USP54: variants seen among roughly 807,000 people sequenced by gnomAD.
USP54 encodes ubiquitin carboxyl-terminal hydrolase 54.
A neutral mutation model predicts 170.5 loss-of-function variants in USP54; 87 were observed. That is an observed-to-expected ratio of 0.51 (90% CI 0.43 to 0.61). The LOEUF (loss-of-function observed/expected upper bound fraction) is 0.61. Among genes scored for constraint, USP54 ranks in the 20% least tolerant of loss-of-function variants. The pLI, the probability that USP54 is intolerant of heterozygous loss-of-function variation, is 0.00. For synonymous variants in USP54, 655 were observed against 742.8 expected (o/e 0.88, Z 1.92); for missense variants, 1,786 against 2,047.8 (o/e 0.87, Z 2.47).
At position 73,539,455 on chromosome 10, in the gene USP54, G is replaced by A. The variant is rs2066091631; in HGVS notation, c.964C>T (p.His322Tyr). The A allele has an allele frequency of 6.2e-7, 1 of 1,609,798 alleles. No individual in the cohort carries two copies. Among genetic ancestry groups the A allele is most frequent in the Non-Finnish European group, 8.5e-7 (1 of 1,177,596 alleles). The change falls in exon 10 of 24, where the codon CAT becomes TAT. Residue 322 changes from histidine to tyrosine, a missense_variant. By Grantham distance (83) the His-to-Tyr change is moderately conservative. This residue lies in a region of USP54 where 361 missense variants were observed against 455.0 expected (regional missense o/e 0.79). Transcript: ENST00000687698. ...IRKWMYFDDA[H>Y]VKEIGPKWKD... Reference sequence around the variant, plus strand: ...TTGACTACTCCTACCTCCTTGACATGAGCATCATCAAAATACATCCATTTG... The same window carrying A: ...TTGACTACTCCTACCTCCTTGACATAAGCATCATCAAAATACATCCATTTG...
At chr10:73,499,956 C>T (rs1298745854) in intron 23 of USP54, 5 of 152,222 alleles carry the variant, frequency 3.3e-5, no homozygotes, top group Non-Finnish European at 7.3e-5. Context: ...GTTCAGCTGA[C>T]TCTGAGGGTT....
chr10:73,570,407 T>TA (rs10601969), intron 4 of USP54, among the ~76,000 whole-genome samples: 84 of 143,864 alleles, frequency 5.8e-4, no homozygotes, highest in East Asian at 1.6e-3. Context: ...GGTGGGGAAG[T>TA]AAAAAAAAAA....
Position 73,543,115 on chromosome 10 carries a change from C to G in USP54, c.392G>C (p.Arg131Thr). The G allele has an allele frequency of 6.2e-7, 1 of 1,613,852 alleles. No individual in the cohort carries two copies. ...AAECFENLLMRIHFHIADETK... is the reference protein window; with the variant it reads ...AAECFENLLMTIHFHIADETK... ...TTCATCAGCAATGTGGAAGTGAATT[C>G]TCATCAGGAGGTTTTCCTGACAGGG... The change falls in exon 6 of 24, where the codon AGA becomes ACA. Residue 131 changes from arginine to threonine, a missense_variant. Physicochemically the swap from Arg to Thr is moderately conservative, Grantham distance 71. Coordinates refer to ENST00000687698, the MANE Select transcript of USP54 (RefSeq NM_001391956.1).
chr10:73,507,411 AC>A (rs2059333073), intron 20 of USP54: 1 of 152,112 alleles, frequency 6.6e-6, no homozygotes. Context: ...GCGGTGGCTT[AC>A]GCCTGTAGTC....
intron 20 of USP54, among the ~76,000 whole-genome samples, chr10:73,515,537 A>G (rs1014996764): frequency 6.6e-6 from 1 of 152,192 alleles, no homozygotes. Flanking sequence ...CTGTAGGCAT[A>G]TAGTACATTA....
At chr10:73,543,358 T>G (rs972132061) in intron 5 of USP54, among the ~76,000 whole-genome samples, 7 of 149,472 alleles carry the variant, frequency 4.7e-5, no homozygotes, top group African/African-American at 1.3e-4. Context: ...AACATCTGTG[T>G]TTTTTTTGTT....
At position 73,501,812 on chromosome 10, in the gene USP54, TTC is replaced by T. The variant is rs549285498; in HGVS notation, c.4312-976_4312-975del. On this transcript the variant is annotated intron_variant, in intron 22 of 23. Transcript: ENST00000687698. ...ACCTCAGAGTCTTTATACTTCCTGT[TTC>T]TGTTACCAAGAATATTCTTCTGATG... 2.0e-4 allele frequency among the ~76,000 whole-genome samples: 31 copies of T among 152,322 alleles called. 1 individual carries two copies. In the South Asian group the frequency reaches 6.4e-3, roughly 32 times the overall value.
Position 73,497,896 on chromosome 10 carries a change from A to C in USP54, c.*733T>G, listed in dbSNP as rs975300421. On this transcript the variant is annotated 3_prime_UTR_variant, in exon 24 of 24. Transcript: ENST00000687698. ...GACAGGGAAGACAAAGGGTCAGGTAATAGGGATAGGTGGATAAAACAAAGA... is the reference window on the plus strand; with the variant it reads ...GACAGGGAAGACAAAGGGTCAGGTACTAGGGATAGGTGGATAAAACAAAGA... 3 of 152,292 alleles carry C rather than the reference A, an allele frequency of 2.0e-5. No individual in the cohort carries two copies. The highest frequency in any genetic ancestry group is 4.4e-5 in the Non-Finnish European group (3 of 68,100). The allele number at this position is 152,292 out of a possible 1,614,324, so 9.4% of individuals were successfully genotyped here. A position where few individuals can be genotyped will look rare whatever the true frequency, so the allele number is the denominator to read the frequency against.
intron 20 of USP54, among the ~76,000 whole-genome samples, chr10:73,507,606 AG>A (rs1205550344): frequency 1.4e-5 from 2 of 146,610 alleles, no homozygotes; most frequent in African/African-American, 2.5e-5. Flanking sequence ...CCCGGGAGGC[AG>A]AGGCTGCAGT....
Position 73,575,903 on chromosome 10 carries a change from C to G in USP54, c.-123G>C, listed in dbSNP as rs2076053313. The G allele has an allele frequency of 8.2e-6, 3 of 366,476 alleles. No homozygotes were observed. The South Asian group carries it at 1.9e-4, about 23-fold the overall frequency. 22.7% of individuals were successfully genotyped at this position (366,476 alleles called of 1,614,324 possible). Reference sequence around the variant, plus strand: ...AAACAATCTCCAAAATGTAACATGGCACAGGACTAATGCAAACAGAGAAAT... The same window carrying G: ...AAACAATCTCCAAAATGTAACATGGGACAGGACTAATGCAAACAGAGAAAT... On this transcript the variant is annotated 5_prime_UTR_variant, in exon 2 of 24. Coordinates refer to ENST00000687698, the MANE Select transcript of USP54 (RefSeq NM_001391956.1).
chr10:73,552,412 C>CA (rs77565476), intron 4 of USP54, among the ~76,000 whole-genome samples: 9,335 of 95,254 alleles, frequency 0.098, 509 homozygotes, highest in East Asian at 0.33. Context: ...GGCTCCATCT[C>CA]AAAAAAAAAA....
intron 20 of USP54, among the ~76,000 whole-genome samples, chr10:73,511,496 C>T (rs1193264283): frequency 6.6e-6 from 1 of 151,290 alleles, no homozygotes; most frequent in Non-Finnish European, 1.5e-5. Flanking sequence ...CCCGTCTCTA[C>T]AAAATATACA....
chr10:73,536,334 T>G lies in USP54; in HGVS notation c.1079A>C (p.Gln360Pro). ...GAACTCAGCTTGGGGAGGCAGGTCCTGGGTGGAAACTGGGGTACCCTGGGG... is the reference window on the plus strand; with the variant it reads ...GAACTCAGCTTGGGGAGGCAGGTCCGGGGTGGAAACTGGGGTACCCTGGGG... Reference protein sequence around the residue: ...ADPQGTPVSTQDLPPQAEFQS... With the variant: ...ADPQGTPVSTPDLPPQAEFQS... Residue 360 changes from glutamine (Q) to proline (P), a missense_variant, in exon 11 of 24, where the codon CAG (glutamine) becomes CCG (proline). This residue lies in a region of USP54 where 361 missense variants were observed against 455.0 expected (regional missense o/e 0.79). Coordinates refer to ENST00000687698, the MANE Select transcript of USP54 (RefSeq NM_001391956.1). 6.2e-7 allele frequency: 1 copy of G among 1,614,090 alleles called. No homozygotes were observed. Among genetic ancestry groups the G allele is most frequent in the Non-Finnish European group, 8.5e-7 (1 of 1,179,962 alleles).
chr10:73,593,530 T>C (rs778901687), upstream of USP54, among the ~76,000 whole-genome samples: 2 of 152,212 alleles, frequency 1.3e-5, no homozygotes, highest in Non-Finnish European at 2.9e-5. Flanking sequence ...TATTCTAAAG[T>C]TGGATGACTA....
Position 73,505,293 on chromosome 10 carries a change from A to C in USP54, c.4170+15T>G. 1 of 1,610,474 alleles carries C rather than the reference A, an allele frequency of 6.2e-7. No homozygotes were observed. Among genetic ancestry groups the C allele is most frequent in the Non-Finnish European group, 8.5e-7 (1 of 1,177,626 alleles). On this transcript the variant is annotated intron_variant, in intron 21 of 23. Transcript: ENST00000687698. ...ACCACCCCAGGCCCAGCACCTTAGC[A>C]CCTGAGGCTGCTACCTGAGAAGTAC...
chr10:73,578,043 C>T (rs755673127), intron 1 of USP54, among the ~76,000 whole-genome samples: 1 of 152,210 alleles, frequency 6.6e-6, no homozygotes, highest in South Asian at 2.1e-4. Context: ...TAGGAGCTAA[C>T]TGAAACTCAG....
chr10:73,580,346 GA>G (rs1038442240), intron 1 of USP54, among the ~76,000 whole-genome samples: 2 of 146,718 alleles, frequency 1.4e-5, no homozygotes, highest in African/African-American at 2.5e-5. Context: ...GAAAGAAAAA[GA>G]AAAAGAAATG....
chr10:73,504,162 C>G (rs1459437370), intron 22 of USP54: 1 of 152,266 alleles, frequency 6.6e-6, no homozygotes, highest in Non-Finnish European at 1.5e-5. Flanking sequence ...TCTGTTTTTA[C>G]ATTTTTCCTG....
chr10:73,588,245 G>C (rs1050655424), intron 1 of USP54, among the ~76,000 whole-genome samples: 3 of 151,640 alleles, frequency 2.0e-5, no homozygotes, highest in African/African-American at 7.3e-5. Context: ...TTTTTGAGAC[G>C]GAGTCTCGCA....
Sources: allele counts gnomAD v4.1 joint callset (sites outside exome capture counted in the v4.1 genomes callset), GRCh38; gene constraint gnomAD v4.1.1; regional missense constraint gnomAD v4.1.1; transcripts MANE v1.5; gene names NCBI Gene and HGNC (gene_info 2026-07-23, HGNC 2026-07-21).